MYPN: variants seen among roughly 807,000 people sequenced by gnomAD.
The protein encoded by MYPN is sarcomeric protein myopalladin, 145 kDa (MYOP).
Under a neutral mutation model 129.4 loss-of-function variants are expected in MYPN, and 63 were observed. The observed-to-expected ratio is 0.49, with a 90% confidence interval of 0.40 to 0.60. MYPN has a LOEUF of 0.60. MYPN is among the 20% of genes least tolerant of loss of function. MYPN has a pLI of 0.00. For synonymous variants in MYPN, 629 were observed against 600.9 expected, an observed-to-expected ratio of 1.05 and a Z score of -0.68; for missense variants, 1,596 against 1,635.4, an observed-to-expected ratio of 0.98 and a Z score of 0.42.
intron 3 of MYPN, among the ~76,000 whole-genome samples, chr10:68,143,349 A>G (rs2042607102): frequency 6.6e-6 from 1 of 152,212 alleles, no homozygotes; most frequent in South Asian, 2.1e-4. Context: ...TGATAGGTAT[A>G]TATAAACACT....
chr10:68,128,042 T>A lies in MYPN; in HGVS notation c.902+5702T>A, dbSNP rs1352579182. On this transcript the variant is annotated intron_variant, in intron 2 of 19. Transcript: ENST00000358913. ...ATTGTTGATTTCCAAGTTAATTGGG[T>A]AGAAATTGTTGTATAAGTAGGGGTG... 2.0e-5 allele frequency among the ~76,000 whole-genome samples: 3 copies of A among 152,174 alleles called. No individual in the cohort carries two copies. The East Asian group carries it at 5.8e-4, about 29-fold the overall frequency.
At position 68,165,839 on chromosome 10, in the gene MYPN, G is replaced by C. The variant is rs41278498; in HGVS notation, c.1600+21G>C. On this transcript the variant is annotated intron_variant, in intron 9 of 19. Coordinates refer to ENST00000358913, the MANE Select transcript of MYPN (RefSeq NM_032578.4). ...GAGAGGTAAGGACTCTTTAATGCTA[G>C]AACAGTTTAGCCTATGACTTTGAGT... The C allele has an allele frequency of 8.5e-3, 13,350 of 1,573,258 alleles. 72 individuals are homozygous for C. Among genetic ancestry groups the C allele is most frequent in the Non-Finnish European group, 0.01 (11,941 of 1,142,804 alleles).
intron 10 of MYPN, among the ~76,000 whole-genome samples, chr10:68,167,363 CTATT>C (rs1443063831): frequency 1.3e-5 from 2 of 152,232 alleles, no homozygotes; most frequent in African/African-American, 2.4e-5. Context: ...TATGGAAAAA[CTATT>C]TAGTAATTTT....
At chr10:68,088,279 G>C (rs879873344) in intron 1 of MYPN, among the ~76,000 whole-genome samples, 1 of 152,124 alleles carries the variant, frequency 6.6e-6, no homozygotes, top group Non-Finnish European at 1.5e-5. Context: ...TTAAAGCCAT[G>C]TGGGAAAAGG....
At chr10:68,191,687 T>C (rs1342813818) in intron 13 of MYPN, among the ~76,000 whole-genome samples, 1 of 152,218 alleles carries the variant, frequency 6.6e-6, no homozygotes, top group Non-Finnish European at 1.5e-5. Flanking sequence ...TTTCTTTCAG[T>C]GTTTTATAGT....
At chr10:68,152,730 G>A (rs778687925) in intron 6 of MYPN, among the ~76,000 whole-genome samples, 2 of 152,028 alleles carry the variant, frequency 1.3e-5, no homozygotes, top group African/African-American at 2.4e-5. Context: ...TGGCCCCCCC[G>A]GGTTTAAGCG....
intron 1 of MYPN, among the ~76,000 whole-genome samples, chr10:68,111,496 C>G (rs771643201): frequency 6.6e-6 from 1 of 152,000 alleles, no homozygotes; most frequent in Admixed American, 6.6e-5. Context: ...CAGGTTTTCC[C>G]CTCTCCTAGG....
intron 2 of MYPN, chr10:68,135,570 A>G (rs1369008708): frequency 2.7e-6 from 2 of 743,772 alleles, no homozygotes; most frequent in Non-Finnish European, 3.3e-6. Flanking sequence ...TTCTTCACTT[A>G]AGAGATCAAG....
At chr10:68,170,977 C>T (rs906404308) in intron 10 of MYPN, among the ~76,000 whole-genome samples, 1 of 151,648 alleles carries the variant, frequency 6.6e-6, no homozygotes, top group African/African-American at 2.4e-5. Context: ...GGTGAAACCC[C>T]GTCTCTACTA....
intron 2 of MYPN, among the ~76,000 whole-genome samples, chr10:68,132,065 T>C (rs539695310): frequency 2.0e-5 from 3 of 152,218 alleles, no homozygotes; most frequent in Non-Finnish European, 2.9e-5. Context: ...GACAGAAGTG[T>C]CTTTTTCTGT....
chr10:68,158,387 A>G, intron 6 of MYPN, 99 bp from the exon 7 acceptor site: 1 of 1,199,520 alleles, frequency 8.3e-7, no homozygotes, highest in Non-Finnish European at 1.2e-6. Context: ...AGAAAAATCC[A>G]AATATGGAGA....
At chr10:68,090,177 T>C (rs2041924656) in intron 1 of MYPN, among the ~76,000 whole-genome samples, 1 of 152,184 alleles carries the variant, frequency 6.6e-6, no homozygotes, top group Non-Finnish European at 1.5e-5. Flanking sequence ...ACACTTTTTT[T>C]TTTGAGACAA....
At position 68,204,422 on chromosome 10, in the gene MYPN, C is replaced by G. The variant is rs555280021; in HGVS notation, c.3660-2348C>G. Among the ~76,000 whole-genome samples, 8 of 152,294 alleles carry G rather than the reference C, an allele frequency of 5.3e-5. No individual in the cohort carries two copies. In the East Asian group the frequency reaches 9.7e-4, roughly 18 times the overall value. The stretch of plus-strand genomic sequence containing the variant: ...CCCTCCTCACCACTGTGAGAATGAC[C>G]TTTTAAGAATGCAAACTGACCGGGC... On this transcript the variant is annotated intron_variant, in intron 18 of 19. Transcript: ENST00000358913.
chr10:68,178,735 A>C (rs1436766115), intron 12 of MYPN, among the ~76,000 whole-genome samples: 1 of 149,296 alleles, frequency 6.7e-6, no homozygotes, highest in African/African-American at 2.4e-5. Context: ...AAAGGAATCC[A>C]GGATCACAAA....
Position 68,122,120 on chromosome 10 carries a change from C to T in MYPN, c.682C>T (p.Leu228=), listed in dbSNP as rs1012387142. ...CAGGGATAATGAAGTGAATCACGCC[C>T]TGGAACAGCAGGAAGCCAAGAGGCG... ...DTRDNEVNHA[L]EQQEAKRREA... Residue 228 remains leucine (L), a synonymous_variant, in exon 2 of 20, where the codon CTG becomes TTG. Transcript: ENST00000358913. 1 of 1,614,070 alleles carries T rather than the reference C, an allele frequency of 6.2e-7. No homozygotes were observed. Among genetic ancestry groups the T allele is most frequent in the Admixed American group, 1.7e-5 (1 of 60,014 alleles).
chr10:68,113,842 A>C (rs2133970878), intron 1 of MYPN, among the ~76,000 whole-genome samples: 1 of 152,334 alleles, frequency 6.6e-6, no homozygotes, highest in Non-Finnish European at 1.5e-5. Flanking sequence ...CAACGATTAA[A>C]TCAAGCTAAT....
intron 6 of MYPN, 165 bp from the exon 7 acceptor site, chr10:68,158,321 C>T: frequency 1.5e-6 from 1 of 675,002 alleles, no homozygotes; most frequent in Non-Finnish European, 2.5e-6. Context: ...GCTCTCAAAA[C>T]TACTTTTGAA....
chr10:68,136,543 T>C, intron 2 of MYPN: 1 of 1,429,958 alleles, frequency 7.0e-7, no homozygotes, highest in Non-Finnish European at 9.1e-7. Context: ...CCCTGCCTAA[T>C]TTCTAAGTGG....
chr10:68,165,802 A>G lies in MYPN; in HGVS notation c.1584A>G (p.Ala528=). ...SNKYGTVSSI[A]QLHVRGNEDL... ...AATACGGCACAGTGTCAAGCATTGC[A>G]CAGCTGCACGTGAGAGGTAAGGACT... The change falls in exon 9 of 20, where the codon GCA becomes GCG. Residue 528 remains alanine, a synonymous_variant. Coordinates refer to ENST00000358913, the MANE Select transcript of MYPN (RefSeq NM_032578.4). 1 of 1,613,986 alleles carries G rather than the reference A, an allele frequency of 6.2e-7. No individual in the cohort carries two copies. Among genetic ancestry groups the G allele is most frequent in the East Asian group, 2.2e-5 (1 of 44,872 alleles).
Sources: gnomAD v4.1 joint callset for allele counts (sites outside exome capture counted in the v4.1 genomes callset) on GRCh38, gnomAD v4.1.1 for gene constraint, MANE v1.5 for transcripts, NCBI Gene and HGNC (gene_info 2026-07-23, HGNC 2026-07-21) for gene names.